Variants in CMTM7 observed in about 807,000 individuals in gnomAD.
CMTM7 encodes CKLF-like MARVEL transmembrane domain-containing protein 7.
A neutral mutation model predicts 19.3 loss-of-function variants in CMTM7; 7 were observed. That is an observed-to-expected ratio of 0.36 (90% CI 0.21 to 0.68). The LOEUF (loss-of-function observed/expected upper bound fraction) is 0.68. CMTM7 is among the 30% of genes least tolerant of loss of function. The pLI, the probability that CMTM7 is intolerant of heterozygous loss-of-function variation, is 0.60. For synonymous variants in CMTM7, 87 were observed against 99.3 expected (o/e 0.88, Z 0.74); for missense variants, 193 against 232.6 (o/e 0.83, Z 1.11).
intron 1 of CMTM7, among the ~76,000 whole-genome samples, chr3:32,397,577 A>C (rs1214940701): frequency 6.6e-6 from 1 of 151,668 alleles, no homozygotes; most frequent in Non-Finnish European, 1.5e-5. Context: ...TACTAAAAAT[A>C]CAAAATATTA....
chr3:32,426,560 CG>C (rs754685196), intron 1 of CMTM7, among the ~76,000 whole-genome samples: 5 of 151,698 alleles, frequency 3.3e-5, no homozygotes, highest in South Asian at 2.1e-4. Context: ...ATTAGGGTGG[CG>C]GAAGGGGTGG....
At chr3:32,396,142 G>A (rs557908427) in intron 1 of CMTM7, among the ~76,000 whole-genome samples, 70 of 152,282 alleles carry the variant, frequency 4.6e-4, no homozygotes, top group Middle Eastern at 6.8e-3. Flanking sequence ...AGCAGGGGTT[G>A]AAAGGAAATG....
At chr3:32,434,250 G>T (rs753021491) in intron 1 of CMTM7, among the ~76,000 whole-genome samples, 1 of 152,088 alleles carries the variant, frequency 6.6e-6, no homozygotes, top group African/African-American at 2.4e-5. Flanking sequence ...ACTAAAAATT[G>T]TATGTATATT....
At chr3:32,393,640 A>G (rs1032001288) in intron 1 of CMTM7, among the ~76,000 whole-genome samples, 5 of 152,164 alleles carry the variant, frequency 3.3e-5, no homozygotes, top group Non-Finnish European at 7.4e-5. Flanking sequence ...AAAAAATTTT[A>G]AAACCTTGTG....
At chr3:32,405,128 G>C (rs1278832146) in intron 1 of CMTM7, among the ~76,000 whole-genome samples, 1 of 152,234 alleles carries the variant, frequency 6.6e-6, no homozygotes, top group Non-Finnish European at 1.5e-5. Context: ...ACAGCCATGT[G>C]AGCTCGGAAG....
At chr3:32,432,332 CCTT>C (rs1225895123) in intron 1 of CMTM7, among the ~76,000 whole-genome samples, 2 of 152,190 alleles carry the variant, frequency 1.3e-5, no homozygotes, top group Admixed American at 6.5e-5. Flanking sequence ...GCCTTCCATA[CCTT>C]CTGCCCTGCC....
At position 32,454,513 on chromosome 3, in the gene CMTM7, T is replaced by G. The variant is rs1203317589; in HGVS notation, c.*259T>G. The stretch of plus-strand genomic sequence containing the variant: ...GAAAGCAGCCTCCAGGGAAATGTTT[T>G]CTGCCTTCCTGCTTCTAGAACCACC... On this transcript the variant is annotated 3_prime_UTR_variant, in exon 5 of 5. Coordinates refer to ENST00000334983, the MANE Select transcript of CMTM7 (RefSeq NM_138410.4). 2.9e-6 allele frequency: 2 copies of G among 684,670 alleles called. No individual in the cohort carries two copies. Among genetic ancestry groups the G allele is most frequent in the Non-Finnish European group, 5.3e-6 (2 of 374,218 alleles). The allele number at this position is 684,670 out of a possible 1,614,324, so 42.4% of individuals were successfully genotyped here. A position where few individuals can be genotyped will look rare whatever the true frequency, so the allele number is the denominator to read the frequency against.
At chr3:32,431,973 C>T (rs1696526715) in intron 1 of CMTM7, among the ~76,000 whole-genome samples, 1 of 152,226 alleles carries the variant, frequency 6.6e-6, no homozygotes, top group South Asian at 2.1e-4. Flanking sequence ...GGAGACACCT[C>T]CTACCCTGGG....
chr3:32,444,294 C>T (rs1460118383), intron 2 of CMTM7, among the ~76,000 whole-genome samples: 1 of 152,214 alleles, frequency 6.6e-6, no homozygotes, highest in African/African-American at 2.4e-5. Flanking sequence ...ATTATCCCAG[C>T]ATCATATGTT....
intron 1 of CMTM7, among the ~76,000 whole-genome samples, chr3:32,403,337 C>T (rs905328955): frequency 6.6e-6 from 1 of 152,174 alleles, no homozygotes; most frequent in Non-Finnish European, 1.5e-5. Context: ...GGCTCAGCCT[C>T]CCAAGTATTA....
chr3:32,393,898 A>G (rs1244168360), intron 1 of CMTM7, among the ~76,000 whole-genome samples: 3 of 152,182 alleles, frequency 2.0e-5, no homozygotes, highest in Non-Finnish European at 4.4e-5. Flanking sequence ...TAAGCTCCTC[A>G]GCTAGCCTCT....
chr3:32,418,201 G>C (rs1696295103), intron 1 of CMTM7, among the ~76,000 whole-genome samples: 2 of 152,162 alleles, frequency 1.3e-5, no homozygotes, highest in South Asian at 4.1e-4. Context: ...CATCCACATA[G>C]CCTCTTTGGT....
At chr3:32,395,054 G>A (rs1695895490) in intron 1 of CMTM7, among the ~76,000 whole-genome samples, 1 of 151,580 alleles carries the variant, frequency 6.6e-6, no homozygotes. Context: ...ACCCAGGCTG[G>A]AGGACAGTGG....
At chr3:32,426,336 T>C (rs140450730) in intron 1 of CMTM7, among the ~76,000 whole-genome samples, 29 of 152,340 alleles carry the variant, frequency 1.9e-4, no homozygotes, top group African/African-American at 5.8e-4. Context: ...TTTTAATATT[T>C]ATGTCATGAA....
chr3:32,443,065 G>T (rs927287801), intron 2 of CMTM7, among the ~76,000 whole-genome samples: 1 of 151,978 alleles, frequency 6.6e-6, no homozygotes, highest in Non-Finnish European at 1.5e-5. Flanking sequence ...TGTTTTCATG[G>T]TTCATCCATG....
chr3:32,430,095 AAG>A (rs1696492889), intron 1 of CMTM7, among the ~76,000 whole-genome samples: 1 of 152,124 alleles, frequency 6.6e-6, no homozygotes, highest in Non-Finnish European at 1.5e-5. Context: ...TTAATATCAA[AAG>A]AGTCGTTCTT....
chr3:32,433,048 C>T (rs763100701), intron 1 of CMTM7, among the ~76,000 whole-genome samples: 20 of 152,192 alleles, frequency 1.3e-4, no homozygotes, highest in Non-Finnish European at 2.2e-4. Context: ...GAAATTTAGT[C>T]AGCCCCAAAA....
At chr3:32,422,082 G>A (rs1445219149) in intron 1 of CMTM7, among the ~76,000 whole-genome samples, 1 of 152,216 alleles carries the variant, frequency 6.6e-6, no homozygotes, top group Non-Finnish European at 1.5e-5. Flanking sequence ...TGGAAGGCAA[G>A]CCTTTGGCTA....
chr3:32,417,522 T>G (rs1462148516), intron 1 of CMTM7, among the ~76,000 whole-genome samples: 2 of 152,260 alleles, frequency 1.3e-5, no homozygotes, highest in Non-Finnish European at 2.9e-5. Flanking sequence ...AAACATTCAT[T>G]TACAGGTTTT....
Sources: allele counts gnomAD v4.1 joint callset (sites outside exome capture counted in the v4.1 genomes callset), GRCh38; gene constraint gnomAD v4.1.1; transcripts MANE v1.5; gene names NCBI Gene and HGNC (gene_info 2026-07-23, HGNC 2026-07-21).